Variants in TENM3 observed in about 807,000 individuals in gnomAD.
TENM3 encodes teneurin-3.
TENM3 carries 63 observed loss-of-function variants against 255.1 expected under a neutral mutation model. The observed-to-expected ratio is 0.25, with a 90% CI of 0.20 to 0.30. TENM3 has a LOEUF of 0.30. TENM3 is among the 10% of genes least tolerant of loss of function. The pLI, the probability that TENM3 is intolerant of heterozygous loss-of-function variation, is 1.00. For missense variants in TENM3, 2,929 were observed against 3,461.1 expected, an observed-to-expected ratio of 0.85 and a Z score of 3.86; for synonymous variants, 1,306 against 1,322.3, an observed-to-expected ratio of 0.99 and a Z score of 0.27.
chr4:182,311,667 T>C (rs1762452707), intron 1 of TENM3, among the ~76,000 whole-genome samples: 1 of 152,226 alleles, frequency 6.6e-6, no homozygotes, highest in Admixed American at 6.5e-5. Flanking sequence ...TGAGGTCATA[T>C]ATGTAAAGCA....
At chr4:182,209,516 C>T (rs1293222802) in intron 1 of TENM3, among the ~76,000 whole-genome samples, 1 of 152,128 alleles carries the variant, frequency 6.6e-6, no homozygotes, top group Non-Finnish European at 1.5e-5. Context: ...TGTCCTTTGA[C>T]ACTGCTAGGA....
the TENM3 span, among the ~76,000 whole-genome samples, chr4:181,942,269 CTTTT>C: frequency 9.4e-6 from 1 of 106,138 alleles, no homozygotes; most frequent in Non-Finnish European, 1.8e-5. Flanking sequence ...GATGTTGGGC[CTTTT>C]TTTTTTTTTT....
the TENM3 span, among the ~76,000 whole-genome samples, chr4:181,918,963 T>C: frequency 3.3e-5 from 5 of 152,162 alleles, no homozygotes; most frequent in East Asian, 1.9e-4. Flanking sequence ...TTGTTTCTTC[T>C]GCATATATTG....
At chr4:181,797,234 T>C in the TENM3 span, among the ~76,000 whole-genome samples, 1 of 151,978 alleles carries the variant, frequency 6.6e-6, no homozygotes, top group African/African-American at 2.4e-5. Flanking sequence ...TTGCTACTGA[T>C]AACGTGACCT....
intron 4 of TENM3, among the ~76,000 whole-genome samples, chr4:182,603,475 A>G (rs1268524385): frequency 6.6e-6 from 1 of 152,128 alleles, no homozygotes; most frequent in African/African-American, 2.4e-5. Flanking sequence ...ATCAAAAGAA[A>G]TGATATTTCA....
chr4:181,604,231 C>T, the TENM3 span, among the ~76,000 whole-genome samples: 1 of 152,112 alleles, frequency 6.6e-6, no homozygotes, highest in Non-Finnish European at 1.5e-5. Flanking sequence ...CGCCACAGCA[C>T]TCCAGCCTGG....
the TENM3 span, among the ~76,000 whole-genome samples, chr4:181,522,088 G>A: frequency 0.11 from 12,412 of 113,786 alleles, 677 homozygotes; most frequent in Middle Eastern, 0.27. Context: ...GCAACAGAGC[G>A]AGACTCCGTC....
At chr4:181,596,170 T>C in the TENM3 span, among the ~76,000 whole-genome samples, 8 of 152,208 alleles carry the variant, frequency 5.3e-5, no homozygotes, top group Admixed American at 1.3e-4. Context: ...GTCTTGTTTT[T>C]GTAGACTATG....
the TENM3 span, among the ~76,000 whole-genome samples, chr4:181,698,931 G>T: frequency 6.6e-6 from 1 of 152,170 alleles, no homozygotes; most frequent in Non-Finnish European, 1.5e-5. Flanking sequence ...TATAAATGAA[G>T]ATGACATTTA....
chr4:182,760,179 G>T (rs142250885), intron 22 of TENM3, among the ~76,000 whole-genome samples: 1 of 152,092 alleles, frequency 6.6e-6, no homozygotes. Flanking sequence ...ATTAGGGACC[G>T]CTTCATGCTG....
chr4:181,449,463 A>G, the TENM3 span, among the ~76,000 whole-genome samples: 1 of 152,150 alleles, frequency 6.6e-6, no homozygotes. Context: ...TATTTTAACA[A>G]AAGTTGTAGT....
chr4:181,588,016 G>C, the TENM3 span, among the ~76,000 whole-genome samples: 1 of 152,110 alleles, frequency 6.6e-6, no homozygotes, highest in Non-Finnish European at 1.5e-5. Context: ...CAAACTGCAG[G>C]GTGGAAGTGA....
intron 3 of TENM3, among the ~76,000 whole-genome samples, chr4:182,514,757 A>C (rs866374228): frequency 2.0e-5 from 3 of 152,146 alleles, no homozygotes; most frequent in Non-Finnish European, 2.9e-5. Flanking sequence ...TTAAAAAAAA[A>C]CTCAGACTTG....
chr4:182,033,803 C>CT, the TENM3 span, among the ~76,000 whole-genome samples: 1 of 152,090 alleles, frequency 6.6e-6, no homozygotes, highest in Non-Finnish European at 1.5e-5. Context: ...CCTTCTTTGT[C>CT]TTTTTTGATC....
chr4:182,662,971 C>T (rs1418549080), intron 6 of TENM3, among the ~76,000 whole-genome samples: 1 of 152,176 alleles, frequency 6.6e-6, no homozygotes, highest in African/African-American at 2.4e-5. Context: ...TGTATTCAAA[C>T]TAGAGGCTTA....
At chr4:181,929,847 C>G in the TENM3 span, among the ~76,000 whole-genome samples, 1 of 152,188 alleles carries the variant, frequency 6.6e-6, no homozygotes, top group Non-Finnish European at 1.5e-5. Context: ...ACAGTGCAAT[C>G]AAATTAGAGC....
At chr4:181,534,471 C>CT in the TENM3 span, among the ~76,000 whole-genome samples, 522 of 103,636 alleles carry the variant, frequency 5.0e-3, 4 homozygotes, top group African/African-American at 0.023. Context: ...GGTCTTCCCC[C>CT]CCCCCACAGA....
chr4:182,062,888 G>T, the TENM3 span, among the ~76,000 whole-genome samples: 1 of 152,146 alleles, frequency 6.6e-6, no homozygotes, highest in East Asian at 1.9e-4. Context: ...AATGAAGAAA[G>T]GTTTTTAGCT....
At chr4:182,119,856 C>T in the TENM3 span, among the ~76,000 whole-genome samples, 1 of 151,976 alleles carries the variant, frequency 6.6e-6, no homozygotes, top group African/African-American at 2.4e-5. Flanking sequence ...TACATACCAC[C>T]GTGCCTGGCT....
Sources: allele counts gnomAD v4.1 joint callset (sites outside exome capture counted in the v4.1 genomes callset), GRCh38; gene constraint gnomAD v4.1.1; transcripts MANE v1.5; gene names NCBI Gene and HGNC (gene_info 2026-07-23, HGNC 2026-07-21).